The following TMEM178B variants were observed in gnomAD, a reference collection of about 807,000 sequenced individuals.
TMEM178B encodes the protein transmembrane protein 178B.
A neutral mutation model predicts 31.0 loss-of-function variants in TMEM178B; 5 were observed. The observed-to-expected ratio is 0.16, with a 90% CI of 0.08 to 0.34. TMEM178B has a LOEUF of 0.34. Ranked by LOEUF, TMEM178B falls within the 10% of genes least tolerant of loss-of-function variation. The probability of loss-of-function intolerance (pLI) is 1.00; values close to 1 mark genes in which losing one functional copy is unlikely to be tolerated. For missense variants in TMEM178B, 275 were observed against 400.3 expected, an observed-to-expected ratio of 0.69 and a Z score of 2.67; for synonymous variants, 164 against 164.0, an observed-to-expected ratio of 1.00 and a Z score of 0.00.
chr7:141,088,456 T>C (rs574941040), intron 1 of TMEM178B, among the ~76,000 whole-genome samples: 1 of 152,144 alleles, frequency 6.6e-6, no homozygotes. Context: ...ACTGTGTAGA[T>C]ATCCTTCAGA....
At chr7:141,094,188 T>A (rs763140264) in intron 1 of TMEM178B, among the ~76,000 whole-genome samples, 10 of 151,536 alleles carry the variant, frequency 6.6e-5, no homozygotes, top group Non-Finnish European at 1.5e-4. Context: ...AAAAAAAAGA[T>A]GGAAGGAAAT....
chr7:141,315,745 T>C (rs1378842015), intron 2 of TMEM178B, among the ~76,000 whole-genome samples: 1 of 152,216 alleles, frequency 6.6e-6, no homozygotes, highest in African/African-American at 2.4e-5. Context: ...TATTACCTGG[T>C]ACAGAGCTTG....
chr7:141,340,148 G>C (rs1799492331), intron 2 of TMEM178B, among the ~76,000 whole-genome samples: 1 of 152,156 alleles, frequency 6.6e-6, no homozygotes, highest in Non-Finnish European at 1.5e-5. Context: ...ATGGAGGAAG[G>C]GGCCATGAAC....
chr7:141,125,401 C>T (rs749075279), intron 1 of TMEM178B, among the ~76,000 whole-genome samples: 23 of 151,898 alleles, frequency 1.5e-4, no homozygotes, highest in Admixed American at 9.2e-4. Context: ...TGAAGCCCGG[C>T]GCCGGATGTG....
At chr7:141,205,796 C>G (rs1796952908) in intron 1 of TMEM178B, among the ~76,000 whole-genome samples, 1 of 152,196 alleles carries the variant, frequency 6.6e-6, no homozygotes, top group Non-Finnish European at 1.5e-5. Flanking sequence ...TTAGGAAACC[C>G]TGGATTGCTG....
At chr7:141,433,933 G>C (rs566861162) in intron 2 of TMEM178B, among the ~76,000 whole-genome samples, 51 of 152,266 alleles carry the variant, frequency 3.3e-4, no homozygotes, top group Non-Finnish European at 6.3e-4. Context: ...CTTGTTTCTA[G>C]ATCAACAGCT....
rs1442490210 is a variant in TMEM178B, at chr7:141,074,656, G to A, written c.346G>A (p.Gly116Ser). 2.0e-6 allele frequency: 3 copies of A among 1,521,574 alleles called. No individual in the cohort carries two copies. Among genetic ancestry groups the A allele is most frequent in the Non-Finnish European group, 2.6e-6 (3 of 1,136,302 alleles). The allele number at this position is 1,521,574 out of a possible 1,614,324, so 94.3% of individuals were successfully genotyped here. Residue 116 changes from glycine to serine, a missense_variant, in exon 1 of 4, where the codon GGC becomes AGC. Transcript: ENST00000565468. The surrounding 1 kb of genome is among the most constrained non-coding windows in gnomAD (Gnocchi z 5.1). Reference sequence around the variant, plus strand: ...CCTCTGGAGGAAGTGCCACCGGCAGGGCTTCGACCCCGAGATCGCCGCCCT... The same window carrying A: ...CCTCTGGAGGAAGTGCCACCGGCAGAGCTTCGACCCCGAGATCGCCGCCCT... ...MGLWRKCHRQGFDPEIAALIR... is the reference protein window; with the variant it reads ...MGLWRKCHRQSFDPEIAALIR...
chr7:141,392,223 A>T (rs1020462072), intron 2 of TMEM178B, among the ~76,000 whole-genome samples: 4 of 152,244 alleles, frequency 2.6e-5, no homozygotes, highest in African/African-American at 9.6e-5. Flanking sequence ...TTGATTGATG[A>T]TCTTACATAT....
At chr7:141,180,329 G>A (rs181230623) in intron 1 of TMEM178B, among the ~76,000 whole-genome samples, 6 of 151,796 alleles carry the variant, frequency 4.0e-5, no homozygotes, top group East Asian at 1.9e-4. Flanking sequence ...GCTTGGAGGC[G>A]GGCACTGTAA....
At chr7:141,202,961 C>T (rs1234300104) in intron 1 of TMEM178B, among the ~76,000 whole-genome samples, 1 of 152,208 alleles carries the variant, frequency 6.6e-6, no homozygotes, top group Non-Finnish European at 1.5e-5. Context: ...TGGTTTGCTT[C>T]CTGCACCTTT....
intron 1 of TMEM178B, chr7:141,173,307 T>G (rs1320592262): frequency 1.3e-5 from 2 of 152,206 alleles, no homozygotes; most frequent in Non-Finnish European, 1.5e-5. Context: ...ATGTGTAAAT[T>G]TATATCCCCA....
At chr7:141,446,263 G>T (rs1181757) in intron 3 of TMEM178B, among the ~76,000 whole-genome samples, 114,141 of 151,720 alleles carry the variant, frequency 0.75, 43,069 homozygotes, top group South Asian at 0.83. Context: ...TTCTACAGAT[G>T]TGGGGTTCAG....
chr7:141,428,368 C>CAAA lies in TMEM178B; in HGVS notation c.497-9226_497-9224dup, dbSNP rs1491261666. 1.5e-3 allele frequency among the ~76,000 whole-genome samples: 39 copies of CAAA among 25,266 alleles called. 1 individual carries two copies. The highest frequency in any genetic ancestry group is 0.015 in the Middle Eastern group (1 of 68). The allele number at this position is 25,266 out of a possible 152,430, so 16.6% of individuals were successfully genotyped here. A position where few individuals can be genotyped will look rare whatever the true frequency, so the allele number is the denominator to read the frequency against. On this transcript the variant is annotated intron_variant, in intron 2 of 3. Transcript: ENST00000565468. The stretch of plus-strand genomic sequence containing the variant: ...GGGCAACAAAAGCGAGACTCCACCT[C>CAAA]AAAAAAAAAAAAAAAAGAAAAAAAG...
At chr7:141,133,042 G>A (rs1795618437) in intron 1 of TMEM178B, among the ~76,000 whole-genome samples, 1 of 151,664 alleles carries the variant, frequency 6.6e-6, no homozygotes, top group Non-Finnish European at 1.5e-5. Flanking sequence ...CAAAGCCAAG[G>A]TATCCTACCC....
chr7:141,452,713 T>C (rs1328104244), intron 3 of TMEM178B, among the ~76,000 whole-genome samples: 1 of 152,204 alleles, frequency 6.6e-6, no homozygotes, highest in Non-Finnish European at 1.5e-5. Flanking sequence ...GGTTGTTGTT[T>C]AGATAAAACA....
intron 2 of TMEM178B, among the ~76,000 whole-genome samples, chr7:141,434,526 G>A (rs936370183): frequency 1.3e-5 from 2 of 152,062 alleles, no homozygotes; most frequent in African/African-American, 4.8e-5. Flanking sequence ...TACATTTTTG[G>A]GATACGTGTG....
chr7:141,169,119 G>T (rs1796305958), intron 1 of TMEM178B, among the ~76,000 whole-genome samples: 1 of 152,164 alleles, frequency 6.6e-6, no homozygotes, highest in African/African-American at 2.4e-5. Flanking sequence ...CATGGGGGTT[G>T]GTTGTACAGA....
chr7:141,322,224 A>T (rs1353704890), intron 2 of TMEM178B, among the ~76,000 whole-genome samples: 1 of 152,100 alleles, frequency 6.6e-6, no homozygotes, highest in Non-Finnish European at 1.5e-5. Flanking sequence ...TCCATTAGAG[A>T]TGTTATAAGA....
chr7:141,389,866 G>C lies in TMEM178B; in HGVS notation c.497-47742G>C, dbSNP rs544696705. Among the ~76,000 whole-genome samples, 4 of 152,302 alleles carry C rather than the reference G, an allele frequency of 2.6e-5. No individual in the cohort carries two copies. The East Asian group carries it at 5.8e-4, about 22-fold the overall frequency. The stretch of plus-strand genomic sequence containing the variant: ...CCCCGGTCTTTCAGAGGGGTGACTG[G>C]CATGAGCACCTCGAAGGTCTGCCTG... On this transcript the variant is annotated intron_variant, in intron 2 of 3. Coordinates refer to ENST00000565468, the MANE Select transcript of TMEM178B (RefSeq NM_001195278.2).
Sources: allele counts gnomAD v4.1 joint callset (sites outside exome capture counted in the v4.1 genomes callset), GRCh38; gene constraint gnomAD v4.1.1; non-coding constraint Gnocchi (gnomAD v3.1); transcripts MANE v1.5; gene names NCBI Gene and HGNC (gene_info 2026-07-23, HGNC 2026-07-21).